Variants in DEPDC1B observed in about 807,000 individuals in gnomAD.
DEPDC1B encodes DEP domain containing 1B.
DEPDC1B carries 51 observed loss-of-function variants against 66.5 expected under a neutral mutation model. The observed-to-expected ratio is 0.77, with a 90% CI of 0.61 to 0.97. The LOEUF (loss-of-function observed/expected upper bound fraction) is 0.97, where lower values mean the gene tolerates loss of function less well. Ranked by LOEUF, DEPDC1B falls within the 50% of genes least tolerant of loss-of-function variation. The pLI, the probability that DEPDC1B is intolerant of heterozygous loss-of-function variation, is 0.00. For missense variants in DEPDC1B, 552 were observed against 637.1 expected, an observed-to-expected ratio of 0.87 and a Z score of 1.44; for synonymous variants, 226 against 223.6, an observed-to-expected ratio of 1.01 and a Z score of -0.10.
intron 7 of DEPDC1B, among the ~76,000 whole-genome samples, chr5:60,621,889 G>T (rs1430489554): frequency 6.6e-6 from 1 of 152,004 alleles, no homozygotes; most frequent in East Asian, 1.9e-4. Flanking sequence ...TAGCAACTAT[G>T]CTTACCGTCA....
intron 6 of DEPDC1B, among the ~76,000 whole-genome samples, chr5:60,641,192 G>A (rs545018222): frequency 6.6e-6 from 1 of 152,016 alleles, no homozygotes; most frequent in Non-Finnish European, 1.5e-5. Context: ...TTTGGCTTTC[G>A]GTGCACATGC....
chr5:60,653,814 C>T lies in DEPDC1B; in HGVS notation c.315-6281G>A, dbSNP rs1215291319. Among the ~76,000 whole-genome samples, 4 of 135,874 alleles carry T rather than the reference C, an allele frequency of 2.9e-5. No homozygotes were observed. The East Asian group carries it at 1.1e-3, about 37-fold the overall frequency. The allele number at this position is 135,874 out of a possible 152,430, so 89.1% of individuals were successfully genotyped here. On this transcript the variant is annotated intron_variant, in intron 2 of 10. Transcript: ENST00000265036. ...AGAGATGAGGATCCAGATTCACTCT[C>T]CTACATGTGGCTTGCCAATTATCCC...
intron 2 of DEPDC1B, among the ~76,000 whole-genome samples, chr5:60,649,761 GC>G (rs1753400644): frequency 6.6e-6 from 1 of 151,898 alleles, no homozygotes; most frequent in Non-Finnish European, 1.5e-5. Context: ...AAGACAGTGT[GC>G]CCCCCTAAAA....
intron 2 of DEPDC1B, among the ~76,000 whole-genome samples, chr5:60,663,391 G>A (rs1753765859): frequency 6.6e-6 from 1 of 152,082 alleles, no homozygotes; most frequent in Non-Finnish European, 1.5e-5. Context: ...GAAACCCAAC[G>A]GACAGTGGAG....
chr5:60,618,396 C>G (rs1409540670), intron 7 of DEPDC1B, among the ~76,000 whole-genome samples: 1 of 151,618 alleles, frequency 6.6e-6, no homozygotes, highest in African/African-American at 2.4e-5. Context: ...GCTAGCAAGA[C>G]TAATAAAGAA....
rs1411120795 is a variant in DEPDC1B, at chr5:60,682,375, G to T, written c.314+4587C>A. On this transcript the variant is annotated intron_variant, in intron 2 of 10. Coordinates refer to ENST00000265036, the MANE Select transcript of DEPDC1B (RefSeq NM_018369.3). ...CACTGGGGCCTGTTGTGGGGTGCGG[G>T]GAGCAGGGAGGGATAGCATTAGGAG... 2.0e-5 allele frequency among the ~76,000 whole-genome samples: 3 copies of T among 152,250 alleles called. No homozygotes were observed. In the East Asian group the frequency reaches 5.8e-4, roughly 29 times the overall value.
At chr5:60,603,588 G>T (rs374736091) in intron 8 of DEPDC1B, 21 bp from the exon 9 acceptor site, 9 of 1,559,264 alleles carry the variant, frequency 5.8e-6, no homozygotes, top group Non-Finnish European at 7.8e-6. Flanking sequence ...AGCGGGGTGG[G>T]GGGTAAACGC....
At chr5:60,637,674 G>C (rs973613725) in intron 7 of DEPDC1B, among the ~76,000 whole-genome samples, 1 of 152,146 alleles carries the variant, frequency 6.6e-6, no homozygotes, top group South Asian at 2.1e-4. Context: ...CTCAGTTGGA[G>C]CCAAAATACC....
At chr5:60,629,716 T>C (rs1378879101) in intron 7 of DEPDC1B, among the ~76,000 whole-genome samples, 3 of 152,246 alleles carry the variant, frequency 2.0e-5, no homozygotes, top group South Asian at 2.1e-4. Flanking sequence ...TTTGTTGTTT[T>C]GTGTTGTTGT....
rs549959280 is a variant in DEPDC1B at position 60,624,456 on chromosome 5, G to A, written c.898+14294C>T. On this transcript the variant is annotated intron_variant, in intron 7 of 10. Transcript: ENST00000265036. ...GGATATCATGTGCTACAATTTTTTTGTGTAATGTATTTGTTGGTTTTATTA... is the reference window on the plus strand; with the variant it reads ...GGATATCATGTGCTACAATTTTTTTATGTAATGTATTTGTTGGTTTTATTA... Among the ~76,000 whole-genome samples the A allele has an allele frequency of 5.6e-4, 85 of 152,170 alleles. 1 individual carries two copies. The highest frequency in any genetic ancestry group is 1.9e-3 in the African/African-American group (80 of 41,524).
chr5:60,616,087 T>C (rs1489775020), intron 7 of DEPDC1B, among the ~76,000 whole-genome samples: 1 of 152,178 alleles, frequency 6.6e-6, no homozygotes, highest in Non-Finnish European at 1.5e-5. Flanking sequence ...GGGTCCTAAC[T>C]GTTAGAAGGA....
chr5:60,629,850 C>T (rs1037464435), intron 7 of DEPDC1B, among the ~76,000 whole-genome samples: 4 of 152,166 alleles, frequency 2.6e-5, no homozygotes, highest in Non-Finnish European at 4.4e-5. Context: ...TCTTTTCTTT[C>T]CTATGCAGAA....
chr5:60,616,784 G>A (rs537937815), intron 7 of DEPDC1B, among the ~76,000 whole-genome samples: 3 of 152,052 alleles, frequency 2.0e-5, no homozygotes, highest in South Asian at 2.1e-4. Flanking sequence ...GAAATACAGA[G>A]AACGCCACAA....
At position 60,597,573 on chromosome 5, in the gene DEPDC1B, T is replaced by C; in HGVS notation, c.*180A>G. ...CAATTTATACACTTTAAAACTAGCATTGAGTTTTATAAAAATACTAATGGC... is the reference window on the plus strand; with the variant it reads ...CAATTTATACACTTTAAAACTAGCACTGAGTTTTATAAAAATACTAATGGC... On this transcript the variant is annotated 3_prime_UTR_variant, in exon 11 of 11. Transcript: ENST00000265036. 1 of 606,962 alleles carries C rather than the reference T, an allele frequency of 1.6e-6. No homozygotes were observed. Among genetic ancestry groups the C allele is most frequent in the Non-Finnish European group, 2.7e-6 (1 of 372,848 alleles). The allele number at this position is 606,962 out of a possible 1,614,324, so 37.6% of individuals were successfully genotyped here.
At chr5:60,634,589 G>C (rs1752998667) in intron 7 of DEPDC1B, among the ~76,000 whole-genome samples, 1 of 151,160 alleles carries the variant, frequency 6.6e-6, no homozygotes, top group Non-Finnish European at 1.5e-5. Context: ...GGAGAATGGT[G>C]TGAACCCAGG....
chr5:60,611,516 C>CT (rs1752413680), intron 7 of DEPDC1B, among the ~76,000 whole-genome samples: 1 of 152,224 alleles, frequency 6.6e-6, no homozygotes. Context: ...AGCTAGGCCT[C>CT]TGGTGCCAAA....
At chr5:60,636,512 T>G (rs1236400919) in intron 7 of DEPDC1B, among the ~76,000 whole-genome samples, 1 of 152,232 alleles carries the variant, frequency 6.6e-6, no homozygotes, top group African/African-American at 2.4e-5. Flanking sequence ...ACTTTAATGA[T>G]ATCCTATTCC....
intron 7 of DEPDC1B, among the ~76,000 whole-genome samples, chr5:60,619,001 C>T (rs1349119574): frequency 1.3e-5 from 2 of 152,144 alleles, no homozygotes; most frequent in African/African-American, 4.8e-5. Flanking sequence ...AATCAATAAA[C>T]GTAATCCAGC....
At chr5:60,644,427 T>A (rs1024753717) in intron 5 of DEPDC1B, among the ~76,000 whole-genome samples, 5 of 152,174 alleles carry the variant, frequency 3.3e-5, no homozygotes, top group African/African-American at 1.2e-4. Context: ...ACCTGAAAAC[T>A]GACTCTAACT....
Sources: allele counts gnomAD v4.1 joint callset (sites outside exome capture counted in the v4.1 genomes callset), GRCh38; gene constraint gnomAD v4.1.1; transcripts MANE v1.5; gene names NCBI Gene and HGNC (gene_info 2026-07-23, HGNC 2026-07-21).